Variants in PIK3C2G observed in about 807,000 individuals in gnomAD.
PIK3C2G encodes the protein phosphatidylinositol-4-phosphate 3-kinase catalytic subunit type 2 gamma.
In PIK3C2G, 168 loss-of-function variants were observed where a neutral mutation model predicts 181.1. The observed-to-expected ratio is 0.93, with a 90% confidence interval of 0.82 to 1.05. The LOEUF is 1.05. Ranked by LOEUF, PIK3C2G falls within the 50% of genes least tolerant of loss-of-function variation. The probability of loss-of-function intolerance (pLI) is 0.00; values close to 1 mark genes in which losing one functional copy is unlikely to be tolerated. For missense variants in PIK3C2G, 1,869 were observed against 1,732.8 expected (o/e 1.08, Z -1.40); for synonymous variants, 573 against 592.2 (o/e 0.97, Z 0.47).
chr12:18,659,749 G>T, the PIK3C2G span, among the ~76,000 whole-genome samples: 4 of 147,648 alleles, frequency 2.7e-5, no homozygotes, highest in African/African-American at 1.0e-4. Flanking sequence ...ATGTATACAC[G>T]TGCCATATTG....
At chr12:18,330,827 G>C (rs1937877025) in intron 8 of PIK3C2G, among the ~76,000 whole-genome samples, 2 of 152,064 alleles carry the variant, frequency 1.3e-5, no homozygotes, top group South Asian at 4.2e-4. Flanking sequence ...TTGTCTCCCT[G>C]TCTGTGACTG....
At chr12:18,523,833 C>G (rs894276202) in intron 24 of PIK3C2G, among the ~76,000 whole-genome samples, 1 of 152,198 alleles carries the variant, frequency 6.6e-6, no homozygotes, top group Non-Finnish European at 1.5e-5. Context: ...TGAGCAAGTT[C>G]GGATACTCTC....
chr12:18,539,063 ATTTGGAGTC>A, intron 25 of PIK3C2G, among the ~76,000 whole-genome samples: 1 of 152,018 alleles, frequency 6.6e-6, no homozygotes, highest in South Asian at 2.1e-4. Context: ...TCAGCATGGG[ATTTGGAGTC>A]TATGAAAAAT....
At chr12:18,659,746 C>T in the PIK3C2G span, among the ~76,000 whole-genome samples, 4 of 147,716 alleles carry the variant, frequency 2.7e-5, no homozygotes, top group South Asian at 4.3e-4. Context: ...AATATGTATA[C>T]ACGTGCCATA....
At chr12:18,547,090 A>G (rs1944471972) in intron 26 of PIK3C2G, among the ~76,000 whole-genome samples, 1 of 152,014 alleles carries the variant, frequency 6.6e-6, no homozygotes, top group Admixed American at 6.6e-5. Flanking sequence ...GAAAAACTGC[A>G]TTCTTTCTTT....
chr12:18,450,001 T>C (rs538602226), intron 18 of PIK3C2G, among the ~76,000 whole-genome samples: 1 of 152,354 alleles, frequency 6.6e-6, no homozygotes, highest in Admixed American at 6.5e-5. Flanking sequence ...TGGTTTCTCA[T>C]ATGGTTTTGA....
At chr12:18,684,230 T>A in the PIK3C2G span, 1 of 1,611,184 alleles carries the variant, frequency 6.2e-7, no homozygotes, top group Non-Finnish European at 8.5e-7. Flanking sequence ...ATGCCAATTC[T>A]GGGACATGAA....
At chr12:18,460,041 A>G (rs891348223) in intron 18 of PIK3C2G, among the ~76,000 whole-genome samples, 14 of 152,218 alleles carry the variant, frequency 9.2e-5, no homozygotes. Context: ...CTGGGATTAC[A>G]GGCGTGAGCC....
At chr12:18,698,109 A>G in the PIK3C2G span, among the ~76,000 whole-genome samples, 1 of 151,604 alleles carries the variant, frequency 6.6e-6, no homozygotes, top group African/African-American at 2.4e-5. Context: ...AACAGAGACC[A>G]GTAAAGCATG....
At chr12:18,303,134 C>T (rs1409145250) in intron 5 of PIK3C2G, among the ~76,000 whole-genome samples, 3 of 142,688 alleles carry the variant, frequency 2.1e-5, no homozygotes, top group African/African-American at 7.8e-5. Flanking sequence ...TTCTTTCTTT[C>T]TTTCTTTTCT....
At chr12:18,681,825 G>A in the PIK3C2G span, among the ~76,000 whole-genome samples, 4 of 151,930 alleles carry the variant, frequency 2.6e-5, no homozygotes. Context: ...AAGCTTGATG[G>A]TATAAATGAG....
chr12:18,661,210 G>A, the PIK3C2G span, among the ~76,000 whole-genome samples: 1 of 152,078 alleles, frequency 6.6e-6, no homozygotes, highest in Non-Finnish European at 1.5e-5. Context: ...TCTGCAAGAA[G>A]AGAAAGAGGC....
chr12:18,479,139 A>G (rs1939308809), intron 18 of PIK3C2G, among the ~76,000 whole-genome samples: 1 of 151,948 alleles, frequency 6.6e-6, no homozygotes, highest in Non-Finnish European at 1.5e-5. Context: ...ATATACATAC[A>G]TACATATACA....
intron 15 of PIK3C2G, among the ~76,000 whole-genome samples, chr12:18,395,050 T>C (rs1005116308): frequency 6.6e-6 from 1 of 151,552 alleles, no homozygotes; most frequent in Admixed American, 6.6e-5. Flanking sequence ...TTTCATTTTC[T>C]CTTTCCTTCC....
At chr12:18,463,119 T>C (rs1288818095) in intron 18 of PIK3C2G, among the ~76,000 whole-genome samples, 1 of 152,170 alleles carries the variant, frequency 6.6e-6, no homozygotes, top group Non-Finnish European at 1.5e-5. Context: ...TCATCAGCAT[T>C]AATTACTGTG....
chr12:18,249,762 G>A (rs1948077181), intron 1 of PIK3C2G, among the ~76,000 whole-genome samples: 2 of 133,084 alleles, frequency 1.5e-5, no homozygotes, highest in African/African-American at 2.6e-5. Flanking sequence ...ATTAGAAATT[G>A]AAAATCTTCT....
At chr12:18,697,670 T>C in the PIK3C2G span, among the ~76,000 whole-genome samples, 1 of 152,170 alleles carries the variant, frequency 6.6e-6, no homozygotes, top group African/African-American at 2.4e-5. Flanking sequence ...TTCACATATA[T>C]CTTCCCATTC....
At chr12:18,393,242 A>G (rs1007291317) in intron 15 of PIK3C2G, among the ~76,000 whole-genome samples, 12 of 151,700 alleles carry the variant, frequency 7.9e-5, no homozygotes, top group African/African-American at 2.9e-4. Context: ...TAACACTCAT[A>G]AAATAAGCAA....
At chr12:18,419,295 A>C (rs1265642121) in intron 16 of PIK3C2G, among the ~76,000 whole-genome samples, 2 of 152,154 alleles carry the variant, frequency 1.3e-5, no homozygotes, top group African/African-American at 4.8e-5. Flanking sequence ...AATAAGGTAA[A>C]ATAGTCACAC....
Sources: gnomAD v4.1 joint callset for allele counts (sites outside exome capture counted in the v4.1 genomes callset) on GRCh38, gnomAD v4.1.1 for gene constraint, MANE v1.5 for transcripts, NCBI Gene and HGNC (gene_info 2026-07-23, HGNC 2026-07-21) for gene names.